Variants in KATNIP observed in about 807,000 individuals in gnomAD.
The protein encoded by KATNIP is katanin interacting protein.
Under a neutral mutation model 174.0 loss-of-function variants are expected in KATNIP, and 126 were observed. That is an observed-to-expected ratio of 0.72 (90% CI 0.63 to 0.84). The LOEUF (loss-of-function observed/expected upper bound fraction) is 0.84. Ranked by LOEUF, KATNIP falls within the 40% of genes least tolerant of loss-of-function variation. The probability of loss-of-function intolerance (pLI) is 0.00; values close to 1 mark genes in which losing one functional copy is unlikely to be tolerated. For synonymous variants in KATNIP, 810 were observed against 835.7 expected, an observed-to-expected ratio of 0.97 and a Z score of 0.53; for missense variants, 1,958 against 2,109.7, an observed-to-expected ratio of 0.93 and a Z score of 1.41.
rs772682842 is a variant in KATNIP at position 27,628,787 on chromosome 16, C to T, written c.267C>T (p.His89=). ...AATCATCACCGCGGAAAGCTATTCACTCTGACTTCTCCAGAAGTGCCTCCC... is the reference window on the plus strand; with the variant it reads ...AATCATCACCGCGGAAAGCTATTCATTCTGACTTCTCCAGAAGTGCCTCCC... ...ELKSSPRKAI[H]SDFSRSASHT... is the part of the protein sequence containing the mutation. Residue 89 remains histidine (H), a synonymous_variant, in exon 4 of 28, where the codon CAC becomes CAT. Transcript: ENST00000261588. The T allele has an allele frequency of 6.8e-6, 11 of 1,614,188 alleles. No homozygotes were observed. The East Asian group carries it at 2.5e-4, about 36-fold the overall frequency.
At position 27,749,702 on chromosome 16, in the gene KATNIP, C is replaced by G; in HGVS notation, c.2742C>G (p.Ile914Met). Residue 914 changes from isoleucine to methionine, a missense_variant, in exon 16 of 28, where the codon ATC becomes ATG. Around this residue, in one of 3 missense-constraint regions of KATNIP, gnomAD observed 1,557 missense variants for 1,617.8 expected, o/e 0.96. Transcript: ENST00000261588. ...TCGACCGCTCCCACCGGGGACGCAT[C>G]TCCAACACGGAGCTCCCGGGGGACA... ...SAFDRSHRGRISNTELPGDIL... is the reference protein window; with the variant it reads ...SAFDRSHRGRMSNTELPGDIL... 1 of 1,613,648 alleles carries G rather than the reference C, an allele frequency of 6.2e-7. No individual in the cohort carries two copies. Among genetic ancestry groups the G allele is most frequent in the Non-Finnish European group, 8.5e-7 (1 of 1,179,796 alleles).
intron 6 of KATNIP, among the ~76,000 whole-genome samples, chr16:27,674,622 C>T (rs1026081614): frequency 6.6e-6 from 1 of 152,222 alleles, no homozygotes; most frequent in African/African-American, 2.4e-5. Flanking sequence ...ACACTGGACT[C>T]ACCTGGATAA....
chr16:27,720,996 A>G lies in KATNIP; in HGVS notation c.1606-562A>G, dbSNP rs141118510. Among the ~76,000 whole-genome samples the G allele has an allele frequency of 9.6e-4, 146 of 152,322 alleles. 3 individuals are homozygous for G. In the East Asian group the frequency reaches 0.027, roughly 28 times the overall value. ...CTGTTCACCTGCCCCTGGGGCCTCC[A>G]TCAGGGGGAGTCTGCAAACTGAAGC... On this transcript the variant is annotated intron_variant, in intron 13 of 27. Coordinates refer to ENST00000261588, the MANE Select transcript of KATNIP (RefSeq NM_015202.5).
At chr16:27,609,801 C>T (rs530242895) in intron 2 of KATNIP, among the ~76,000 whole-genome samples, 3 of 150,976 alleles carry the variant, frequency 2.0e-5, no homozygotes, top group South Asian at 4.2e-4. Flanking sequence ...AAGTGATTCT[C>T]CTGCCTCAGC....
At chr16:27,756,452 C>G (rs2081732290) in intron 18 of KATNIP, among the ~76,000 whole-genome samples, 2 of 152,182 alleles carry the variant, frequency 1.3e-5, no homozygotes, top group Non-Finnish European at 2.9e-5. Context: ...AGCTGAGGCT[C>G]AGAGAGATGG....
intron 5 of KATNIP, among the ~76,000 whole-genome samples, chr16:27,635,603 C>CAA (rs547676881): frequency 3.6e-5 from 5 of 137,636 alleles, no homozygotes; most frequent in Non-Finnish European, 3.2e-5. Flanking sequence ...CTCTAGGGTT[C>CAA]AAAAAAAAAA....
At position 27,698,460 on chromosome 16, in the gene KATNIP, T is replaced by C. The variant is rs1386312052; in HGVS notation, c.1073T>C (p.Leu358Pro). The change falls in exon 9 of 28, where the codon CTC becomes CCC. Residue 358 changes from leucine (L) to proline (P), a missense_variant. By Grantham distance (98) the Leu-to-Pro change is moderately conservative. Around this residue, in one of 3 missense-constraint regions of KATNIP, gnomAD observed 1,557 missense variants for 1,617.8 expected, o/e 0.96. Transcript: ENST00000261588. ...GAGAACGCAGCCCTGCAGAGGGCGC[T>C]CCTCAGCAGAAAGGCCGAGCAGCCA... ...QVENAALQRA[L>P]LSRKAEQPAS... 4 of 1,612,356 alleles carry C rather than the reference T, an allele frequency of 2.5e-6. No individual in the cohort carries two copies. The highest frequency in any genetic ancestry group is 2.2e-5 in the South Asian group (2 of 90,766).
intron 2 of KATNIP, among the ~76,000 whole-genome samples, chr16:27,600,731 T>C (rs1596869221): frequency 6.9e-6 from 1 of 145,594 alleles, no homozygotes; most frequent in Non-Finnish European, 1.5e-5. Context: ...AGCTGCCTCC[T>C]CTTTTTTTTT....
intron 5 of KATNIP, 93 bp downstream of exon 5, chr16:27,631,255 T>C: frequency 1.0e-6 from 1 of 986,298 alleles, no homozygotes; most frequent in Non-Finnish European, 1.5e-6. Context: ...AAAACCCCCA[T>C]GGGCCAGGCA....
At chr16:27,729,871 C>T (rs1463567941) in intron 14 of KATNIP, among the ~76,000 whole-genome samples, 1 of 152,236 alleles carries the variant, frequency 6.6e-6, no homozygotes, top group Non-Finnish European at 1.5e-5. Context: ...CCCAATCCAG[C>T]TCGTCCCTCC....
In KATNIP at chr16:27,751,942, G is replaced by A. The variant is rs781706125; in HGVS notation, c.3552+18G>A. The A allele has an allele frequency of 1.3e-6, 2 of 1,581,716 alleles. No homozygotes were observed. The highest frequency in any genetic ancestry group is 1.7e-5 in the Admixed American group (1 of 57,426). The stretch of plus-strand genomic sequence containing the variant: ...ATGAACGGGTAGGACTGGAGCTGGG[G>A]GGCTGTGGGGGGACCCCCAGATAGG... On this transcript the variant is annotated intron_variant, in intron 17 of 27. Transcript: ENST00000261588.
At position 27,740,222 on chromosome 16, in the gene KATNIP, G is replaced by C. The variant is rs138320460; in HGVS notation, c.1925G>C (p.Gly642Ala). Residue 642 changes from glycine (G) to alanine (A), a missense_variant, in exon 15 of 28, where the codon GGC becomes GCC. Around this residue, in one of 3 missense-constraint regions of KATNIP, gnomAD observed 1,557 missense variants for 1,617.8 expected, o/e 0.96. Transcript: ENST00000261588. ...AMNAHSEESK[G>A]THEMAGASGD... ...AACGCTCACTCGGAAGAAAGCAAAGGCACCCATGAGATGGCTGGTGCCAGC... is the reference window on the plus strand; with the variant it reads ...AACGCTCACTCGGAAGAAAGCAAAGCCACCCATGAGATGGCTGGTGCCAGC... 6.2e-7 allele frequency: 1 copy of C among 1,614,096 alleles called. No homozygotes were observed. Among genetic ancestry groups the C allele is most frequent in the African/African-American group, 1.3e-5 (1 of 74,934 alleles).
chr16:27,652,343 A>G (rs2142371728), intron 6 of KATNIP, among the ~76,000 whole-genome samples: 1 of 152,346 alleles, frequency 6.6e-6, no homozygotes, highest in Non-Finnish European at 1.5e-5. Flanking sequence ...GCTTGAGGGC[A>G]GAAATAAAGA....
intron 6 of KATNIP, among the ~76,000 whole-genome samples, chr16:27,671,428 A>G (rs2077898278): frequency 6.6e-6 from 1 of 152,094 alleles, no homozygotes; most frequent in African/African-American, 2.4e-5. Flanking sequence ...CTCGGTGAAC[A>G]CCCGCTCTAT....
intron 5 of KATNIP, among the ~76,000 whole-genome samples, chr16:27,641,519 C>T (rs1346314411): frequency 6.6e-6 from 1 of 152,018 alleles, no homozygotes; most frequent in Non-Finnish European, 1.5e-5. Flanking sequence ...GCCATGTGAA[C>T]CTCTTAGGGC....
At chr16:27,703,655 C>G (rs995140157) in intron 11 of KATNIP, among the ~76,000 whole-genome samples, 2 of 152,176 alleles carry the variant, frequency 1.3e-5, no homozygotes, top group Admixed American at 6.5e-5. Flanking sequence ...TTAGGGAGGT[C>G]AGCTGGCCAC....
intron 20 of KATNIP, among the ~76,000 whole-genome samples, chr16:27,768,630 G>C (rs2082198255): frequency 6.6e-6 from 1 of 152,178 alleles, no homozygotes; most frequent in African/African-American, 2.4e-5. Context: ...GTTCAGCTCA[G>C]GGGGCCCAGG....
intron 2 of KATNIP, among the ~76,000 whole-genome samples, chr16:27,575,056 G>C (rs2090449410): frequency 1.3e-5 from 2 of 152,222 alleles, no homozygotes; most frequent in South Asian, 4.1e-4. Context: ...CACAGTCCTT[G>C]ATCTCAGAGT....
At chr16:27,667,674 T>A (rs1029039486) in intron 6 of KATNIP, among the ~76,000 whole-genome samples, 1 of 152,184 alleles carries the variant, frequency 6.6e-6, no homozygotes, top group Non-Finnish European at 1.5e-5. Flanking sequence ...AAGTTTCCAC[T>A]GTGGCTTCAT....
Sources: gnomAD v4.1 joint callset for allele counts (sites outside exome capture counted in the v4.1 genomes callset) on GRCh38, gnomAD v4.1.1 for gene constraint, gnomAD v4.1.1 regional missense constraint, MANE v1.5 for transcripts, NCBI Gene and HGNC (gene_info 2026-07-23, HGNC 2026-07-21) for gene names.